The following NPLOC4 variants were observed in gnomAD, a reference collection of about 807,000 sequenced individuals.
NPLOC4 encodes NPL4 homolog, ubiquitin recognition factor.
NPLOC4 carries 18 observed loss-of-function variants against 80.6 expected under a neutral mutation model. The observed-to-expected ratio is 0.22, with a 90% confidence interval of 0.15 to 0.33. NPLOC4 has a LOEUF of 0.33. Among genes scored for constraint, NPLOC4 ranks in the 10% least tolerant of loss-of-function variants. NPLOC4 has a pLI of 1.00. For synonymous variants in NPLOC4, 313 were observed against 301.5 expected, an observed-to-expected ratio of 1.04 and a Z score of -0.39; for missense variants, 540 against 786.1, an observed-to-expected ratio of 0.69 and a Z score of 3.74.
chr17:81,627,404 A>AT (rs1185067654), intron 2 of NPLOC4, among the ~76,000 whole-genome samples: 1 of 150,780 alleles, frequency 6.6e-6, no homozygotes, highest in Non-Finnish European at 1.5e-5. Context: ...AAAAAAAAAA[A>AT]TTGATGCATG....
At chr17:81,622,054 A>T in intron 3 of NPLOC4, 112 bp downstream of exon 3, 1 of 746,334 alleles carries the variant, frequency 1.3e-6, no homozygotes, top group South Asian at 1.5e-5. Context: ...TCAGTTGATA[A>T]GACCATAATG....
chr17:81,628,500 G>A (rs546718752), intron 2 of NPLOC4, among the ~76,000 whole-genome samples: 6 of 152,054 alleles, frequency 3.9e-5, no homozygotes, highest in African/African-American at 1.2e-4. Context: ...GCAACAGAGT[G>A]AGATGCCATC....
chr17:81,612,183 G>C (rs991346126), intron 4 of NPLOC4, among the ~76,000 whole-genome samples: 5 of 152,130 alleles, frequency 3.3e-5, no homozygotes, highest in Non-Finnish European at 7.4e-5. Flanking sequence ...CTGAAGGAGA[G>C]GTATGCTGGT....
chr17:81,567,646 T>C lies in NPLOC4; in HGVS notation c.1450-113A>G, dbSNP rs2034048185. 1 of 665,176 alleles carries C rather than the reference T, an allele frequency of 1.5e-6. No individual in the cohort carries two copies. Among genetic ancestry groups the C allele is most frequent in the East Asian group, 2.8e-5 (1 of 36,198 alleles). 41.2% of individuals were successfully genotyped at this position (665,176 alleles called of 1,614,324 possible). ...TCAATACACTGAATGCTGAGACACC[T>C]CTCCCTCTGCCTCTGCAACCACGAA... On this transcript the variant is annotated intron_variant, in intron 14 of 16. Transcript: ENST00000331134. This position sits in a 1 kb window ranked among gnomAD's most constrained non-coding sequence, Gnocchi z 4.5.
chr17:81,636,809 A>G, intron 1 of NPLOC4, 107 bp downstream of exon 1: 1 of 1,188,284 alleles, frequency 8.4e-7, no homozygotes, highest in Non-Finnish European at 1.1e-6. Context: ...GAGAAGAGAA[A>G]GGGGCCGAGT....
chr17:81,598,698 A>C (rs1176330161), intron 9 of NPLOC4, among the ~76,000 whole-genome samples: 1 of 152,090 alleles, frequency 6.6e-6, no homozygotes, highest in Non-Finnish European at 1.5e-5. Flanking sequence ...GAATTCCTGC[A>C]CCAGAAGCCC....
intron 1 of NPLOC4, among the ~76,000 whole-genome samples, chr17:81,633,377 G>A (rs995547448): frequency 2.6e-5 from 4 of 152,128 alleles, no homozygotes; most frequent in Non-Finnish European, 5.9e-5. Context: ...GCATGTTACC[G>A]CCATTCTTTA....
chr17:81,613,217 C>T, intron 4 of NPLOC4, 101 bp downstream of exon 4: 2 of 980,448 alleles, frequency 2.0e-6, no homozygotes, highest in South Asian at 5.1e-5. Context: ...AACATTTCTT[C>T]ATCAGATACT....
At chr17:81,568,941 C>T in intron 14 of NPLOC4, 75 bp downstream of exon 14, 1 of 994,956 alleles carries the variant, frequency 1.0e-6, no homozygotes, top group Non-Finnish European at 1.6e-6. Flanking sequence ...TTGATGTTTT[C>T]TGGAAAAACA....
intron 8 of NPLOC4, among the ~76,000 whole-genome samples, chr17:81,604,055 T>C (rs2035135531): frequency 6.6e-6 from 1 of 152,140 alleles, no homozygotes; most frequent in African/African-American, 2.4e-5. Context: ...CTGCGGGATA[T>C]ACCCTCAGGA....
chr17:81,609,208 C>T (rs893180182), intron 5 of NPLOC4, among the ~76,000 whole-genome samples: 2 of 152,046 alleles, frequency 1.3e-5, no homozygotes, highest in South Asian at 2.1e-4. Context: ...TTAGTGGAGA[C>T]GGGGTTTCAG....
chr17:81,580,607 G>C lies in NPLOC4; in HGVS notation c.1281+8337C>G, dbSNP rs2034411777. 6.6e-6 allele frequency among the ~76,000 whole-genome samples: 1 copy of C among 152,052 alleles called. No individual in the cohort carries two copies. Among genetic ancestry groups the C allele is most frequent in the African/African-American group, 2.4e-5 (1 of 41,406 alleles). On this transcript the variant is annotated intron_variant, in intron 12 of 16. Coordinates refer to ENST00000331134, the MANE Select transcript of NPLOC4 (RefSeq NM_017921.4). This position sits in a 1 kb window ranked among gnomAD's most constrained non-coding sequence, Gnocchi z 4.4. The stretch of plus-strand genomic sequence containing the variant: ...GAACAATCTCCTCCAGACACCCCCA[G>C]AGCTGCTCTGCCAATTGACACCTTC...
Position 81,572,048 on chromosome 17 carries a change from C to T in NPLOC4, c.1322G>A (p.Arg441Gln), listed in dbSNP as rs2034174461. The T allele has an allele frequency of 1.9e-6, 3 of 1,605,974 alleles. No individual in the cohort carries two copies. Among genetic ancestry groups the T allele is most frequent in the South Asian group, 1.1e-5 (1 of 90,036 alleles). Residue 441 changes from arginine (R) to glutamine (Q), a missense_variant, in exon 13 of 17, where the codon CGG becomes CAG. Coordinates refer to ENST00000331134, the MANE Select transcript of NPLOC4 (RefSeq NM_017921.4). This position sits in a 1 kb window ranked among gnomAD's most constrained non-coding sequence, Gnocchi z 4.5. ...KFGNEITQLARPLPVEYLIID... is the reference protein window; with the variant it reads ...KFGNEITQLAQPLPVEYLIID... The stretch of plus-strand genomic sequence containing the variant: ...GATGAGATACTCCACAGGCAGGGGC[C>T]GGGCCAGCTGGGTGATCTCGTTGCC...
intron 2 of NPLOC4, among the ~76,000 whole-genome samples, chr17:81,623,361 G>A (rs553146936): frequency 5.9e-5 from 9 of 151,764 alleles, no homozygotes; most frequent in East Asian, 1.9e-4. Context: ...CCAGCTACCC[G>A]GGAGGCTGAG....
At chr17:81,619,849 A>G (rs1438772329) in intron 3 of NPLOC4, among the ~76,000 whole-genome samples, 1 of 151,776 alleles carries the variant, frequency 6.6e-6, no homozygotes, top group Non-Finnish European at 1.5e-5. Flanking sequence ...ACTGCACTCC[A>G]GCCTGGGCAA....
rs562323236 is a variant in NPLOC4 at position 81,626,300 on chromosome 17, A to G, written c.96+3425T>C. Among the ~76,000 whole-genome samples, 316 of 150,250 alleles carry G rather than the reference A, an allele frequency of 2.1e-3. 5 individuals are homozygous for G. Among genetic ancestry groups the G allele is most frequent in the African/African-American group, 7.6e-3 (308 of 40,708 alleles). ...CACTGCACTCCAGCCTGGGCAACAGAGCGAGACTCCATCTCAAGAAAAAAA... is the reference window on the plus strand; with the variant it reads ...CACTGCACTCCAGCCTGGGCAACAGGGCGAGACTCCATCTCAAGAAAAAAA... On this transcript the variant is annotated intron_variant, in intron 2 of 16. Transcript: ENST00000331134.
chr17:81,623,661 G>A (rs1277955939), intron 2 of NPLOC4, among the ~76,000 whole-genome samples: 2 of 151,860 alleles, frequency 1.3e-5, no homozygotes, highest in Non-Finnish European at 2.9e-5. Flanking sequence ...AGCCGGGCGT[G>A]GTGGTGGGCG....
At position 81,627,416 on chromosome 17, in the gene NPLOC4, TG is replaced by T. The variant is rs571754764; in HGVS notation, c.96+2308del. On this transcript the variant is annotated intron_variant, in intron 2 of 16. Transcript: ENST00000331134. ...AAAAAAAAAAAAAATTGATGCATGG[TG>T]GGGAACAAAAATGAACTGTCAACTC... 8.4e-5 allele frequency among the ~76,000 whole-genome samples: 12 copies of T among 142,484 alleles called. No homozygotes were observed. In the East Asian group the frequency reaches 2.5e-3, roughly 30 times the overall value. The allele number at this position is 142,484 out of a possible 152,430, so 93.5% of individuals were successfully genotyped here. A position where few individuals can be genotyped will look rare whatever the true frequency, so the allele number is the denominator to read the frequency against.
chr17:81,571,270 C>T (rs952830307), intron 13 of NPLOC4, among the ~76,000 whole-genome samples: 2 of 152,318 alleles, frequency 1.3e-5, no homozygotes, highest in East Asian at 1.9e-4. Context: ...AAATGAGCCG[C>T]CTCCCGTCCG....
Sources: gnomAD v4.1 joint callset for allele counts (sites outside exome capture counted in the v4.1 genomes callset) on GRCh38, gnomAD v4.1.1 for gene constraint, Gnocchi (gnomAD v3.1) non-coding constraint, MANE v1.5 for transcripts, NCBI Gene and HGNC (gene_info 2026-07-23, HGNC 2026-07-21) for gene names.